The following CNTN6 variants were observed in gnomAD, a reference collection of about 807,000 sequenced individuals.
CNTN6 encodes the protein contactin-6.
In CNTN6, 137 loss-of-function variants were observed where a neutral mutation model predicts 122.8. The ratio of observed to expected loss-of-function variants is 1.12; its 90% CI spans 0.97 to 1.29. The LOEUF (loss-of-function observed/expected upper bound fraction) is 1.29. Ranked by LOEUF, CNTN6 falls within the 50% of genes most tolerant of loss-of-function variation. The pLI is 0.00. For synonymous variants in CNTN6, 570 were observed against 426.0 expected (o/e 1.34, Z -4.16); for missense variants, 1,634 against 1,223.4 (o/e 1.34, Z -5.01).
chr3:1,208,981 G>T (rs2093995975), intron 2 of CNTN6, among the ~76,000 whole-genome samples: 1 of 152,134 alleles, frequency 6.6e-6, no homozygotes, highest in African/African-American at 2.4e-5. Flanking sequence ...TTATCACTGT[G>T]TGCTGGCAAT....
intron 7 of CNTN6, among the ~76,000 whole-genome samples, chr3:1,300,488 G>GGAA (rs1559754124): frequency 7.0e-5 from 7 of 99,384 alleles, no homozygotes; most frequent in African/African-American, 3.9e-4. Flanking sequence ...AGGAAGGAAG[G>GGAA]AAGGAAAAAG....
intron 2 of CNTN6, among the ~76,000 whole-genome samples, chr3:1,176,435 G>C (rs1164639114): frequency 2.6e-5 from 4 of 152,148 alleles, no homozygotes; most frequent in Admixed American, 6.5e-5. Context: ...GATCAAACTT[G>C]AGGCTGTTTG....
At chr3:1,343,188 T>C (rs1217271200) in intron 11 of CNTN6, among the ~76,000 whole-genome samples, 1 of 152,218 alleles carries the variant, frequency 6.6e-6, no homozygotes, top group Non-Finnish European at 1.5e-5. Flanking sequence ...GTATAATGCA[T>C]ATAACATACA....
rs548355174 is a variant in CNTN6, at chr3:1,094,651, T to C, written c.-83+1531T>C. Among the ~76,000 whole-genome samples, 32 of 152,196 alleles carry C rather than the reference T, an allele frequency of 2.1e-4. No individual in the cohort carries two copies. The South Asian group carries it at 6.6e-3, about 32-fold the overall frequency. On this transcript the variant is annotated intron_variant, in intron 1 of 22. Transcript: ENST00000446702. The stretch of plus-strand genomic sequence containing the variant: ...TCCTTAATGAAAACAAATTCACTTG[T>C]TTACTTAGAAAAGGATCACATATTT...
chr3:1,259,365 A>G (rs1016583941), intron 4 of CNTN6, among the ~76,000 whole-genome samples: 9 of 152,140 alleles, frequency 5.9e-5, no homozygotes, highest in East Asian at 5.8e-4. Flanking sequence ...CTCATTAATT[A>G]ATAGAAATGC....
intron 12 of CNTN6, among the ~76,000 whole-genome samples, chr3:1,371,022 A>G (rs1476959426): frequency 2.0e-5 from 3 of 152,096 alleles, no homozygotes; most frequent in African/African-American, 7.2e-5. Flanking sequence ...CTCTTTTGTC[A>G]GTATGTACCT....
rs145593534 is a variant in CNTN6, at chr3:1,268,994, TAAATA to T, written c.359-9410_359-9406del. Among the ~76,000 whole-genome samples the T allele has an allele frequency of 5.8e-3, 875 of 152,166 alleles. 9 individuals carry two copies. The highest frequency in any genetic ancestry group is 0.02 in the African/African-American group (827 of 41,514). On this transcript the variant is annotated intron_variant, in intron 4 of 22. Transcript: ENST00000446702. ...AGACCCTGTCTCAAAAGTTATAAAATAAATAAAATAAAAATAAAAATTCAAAACAT... is the reference window on the plus strand; with the variant it reads ...AGACCCTGTCTCAAAAGTTATAAAATAAATAAAAATAAAAATTCAAAACAT...
chr3:1,245,313 TA>T (rs2094565697), intron 4 of CNTN6, among the ~76,000 whole-genome samples: 1 of 17,516 alleles, frequency 5.7e-5, no homozygotes, highest in African/African-American at 2.1e-4. Flanking sequence ...TATATATATA[TA>T]TATATATATA....
chr3:1,361,899 T>C (rs768292048), intron 12 of CNTN6, among the ~76,000 whole-genome samples: 1 of 152,036 alleles, frequency 6.6e-6, no homozygotes, highest in Non-Finnish European at 1.5e-5. Context: ...AATTTGTCAA[T>C]TCCTAAGCAG....
intron 17 of CNTN6, among the ~76,000 whole-genome samples, chr3:1,381,307 G>A (rs1691844852): frequency 6.6e-6 from 1 of 151,044 alleles, no homozygotes; most frequent in South Asian, 2.1e-4. Context: ...GAAGAGAAGT[G>A]TTAATATGAG....
intron 20 of CNTN6, 96 bp downstream of exon 20, chr3:1,385,893 T>C (rs1692825001): frequency 1.7e-6 from 2 of 1,187,172 alleles, no homozygotes; most frequent in Non-Finnish European, 2.3e-6. Flanking sequence ...CTCATTTCTT[T>C]ACTAATTGGT....
In CNTN6 at chr3:1,243,172, C is replaced by T. The variant is rs186629737; in HGVS notation, c.358+15179C>T. 2.3e-3 allele frequency among the ~76,000 whole-genome samples: 354 copies of T among 152,124 alleles called. 1 individual carries two copies. The highest frequency in any genetic ancestry group is 0.01 in the Middle Eastern group (3 of 292). ...TGGCTGCCAGGTGAGTTGAACAGTC[C>T]GATTTTCAGTGGGTTCCTGCACAGA... is the stretch of plus-strand genomic sequence containing the variant. On this transcript the variant is annotated intron_variant, in intron 4 of 22. Transcript: ENST00000446702.
In CNTN6 at chr3:1,374,038, G is replaced by A; in HGVS notation, c.2060G>A (p.Ser687Asn). 2 of 1,612,976 alleles carry A rather than the reference G, an allele frequency of 1.2e-6. No homozygotes were observed. The highest frequency in any genetic ancestry group is 1.3e-5 in the African/African-American group (1 of 74,972). The change falls in exon 16 of 23, where the codon AGT (serine) becomes AAT (asparagine). Residue 687 changes from serine (S) to asparagine (N), a missense_variant. Physicochemically the swap from Ser to Asn is conservative, Grantham distance 46. Coordinates refer to ENST00000446702, the MANE Select transcript of CNTN6 (RefSeq NM_001289080.2). Reference sequence around the variant, plus strand: ...AACAGCATTGGGATTGGAGAACCAAGTGAACCATCAGAATTGTTAAGAACT... The same window carrying A: ...AACAGCATTGGGATTGGAGAACCAAATGAACCATCAGAATTGTTAAGAACT... ...AGNSIGIGEPSEPSELLRTKA... is the reference protein window; with the variant it reads ...AGNSIGIGEPNEPSELLRTKA...
At chr3:1,177,348 G>T (rs377336870) in intron 2 of CNTN6, among the ~76,000 whole-genome samples, 4 of 152,286 alleles carry the variant, frequency 2.6e-5, no homozygotes, top group African/African-American at 7.2e-5. Flanking sequence ...TATTGAAAGA[G>T]AATAGTCTTT....
intron 5 of CNTN6, among the ~76,000 whole-genome samples, chr3:1,294,466 C>T (rs933562759): frequency 6.6e-6 from 1 of 152,124 alleles, no homozygotes; most frequent in Non-Finnish European, 1.5e-5. Context: ...TTCTGAAGAC[C>T]TGGAAATCTT....
At chr3:1,381,492 C>T (rs1691875772) in intron 17 of CNTN6, among the ~76,000 whole-genome samples, 1 of 152,006 alleles carries the variant, frequency 6.6e-6, no homozygotes, top group South Asian at 2.1e-4. Flanking sequence ...GGAAAAAAGT[C>T]TCAGCAAGCA....
rs536341343 is a variant in CNTN6 at position 1,202,265 on chromosome 3, G to A, written c.56-18422G>A. 2.6e-5 allele frequency among the ~76,000 whole-genome samples: 4 copies of A among 152,376 alleles called. No individual in the cohort carries two copies. In the South Asian group the frequency reaches 8.3e-4, roughly 32 times the overall value. On this transcript the variant is annotated intron_variant, in intron 2 of 22. Coordinates refer to ENST00000446702, the MANE Select transcript of CNTN6 (RefSeq NM_001289080.2). ...CTCAGCTGTAACATGTTTGGGCCGG[G>A]CGCGGTGGCTCACGCCTGTAATCCC...
intron 12 of CNTN6, among the ~76,000 whole-genome samples, chr3:1,360,972 A>T (rs141641761): frequency 1.3e-5 from 2 of 152,184 alleles, no homozygotes; most frequent in East Asian, 3.9e-4. Context: ...AAATGGTTTC[A>T]GCTTCAAGGT....
At chr3:1,351,558 T>G (rs1010907163) in intron 11 of CNTN6, among the ~76,000 whole-genome samples, 3 of 151,614 alleles carry the variant, frequency 2.0e-5, no homozygotes, top group South Asian at 2.1e-4. Context: ...TCAGGGTTTT[T>G]TTTTTTTTTC....
Sources: gnomAD v4.1 joint callset for allele counts (sites outside exome capture counted in the v4.1 genomes callset) on GRCh38, gnomAD v4.1.1 for gene constraint, MANE v1.5 for transcripts, NCBI Gene and HGNC (gene_info 2026-07-23, HGNC 2026-07-21) for gene names.